ACO2: variants seen among roughly 807,000 people sequenced by gnomAD.
ACO2 encodes aconitase 2.
A neutral mutation model predicts 84.5 loss-of-function variants in ACO2; 31 were observed. That is an observed-to-expected ratio of 0.37 (90% CI 0.28 to 0.50). The LOEUF (loss-of-function observed/expected upper bound fraction) is 0.50, where lower values mean the gene tolerates loss of function less well. Among genes scored for constraint, ACO2 ranks in the 20% least tolerant of loss-of-function variants. The pLI is 0.97. For missense variants in ACO2, 685 were observed against 1,029.3 expected, an observed-to-expected ratio of 0.67 and a Z score of 4.58; for synonymous variants, 414 against 412.7, an observed-to-expected ratio of 1.00 and a Z score of -0.04.
chr22:41,528,335 C>A, intron 17 of ACO2, 144 bp from the exon 18 acceptor site: 1 of 1,220,336 alleles, frequency 8.2e-7, no homozygotes. Context: ...CTGACCTGGG[C>A]CATCAGGCAC....
chr22:41,481,129 ACCC>A (rs1010846218), intron 1 of ACO2, among the ~76,000 whole-genome samples: 29 of 152,012 alleles, frequency 1.9e-4, no homozygotes, highest in African/African-American at 6.8e-4. Flanking sequence ...CTGCTCTTTT[ACCC>A]CCATGTTACA....
At position 41,517,537 on chromosome 22, in the gene ACO2, A is replaced by G; in HGVS notation, c.846A>G (p.Thr282=). Residue 282 remains threonine, a synonymous_variant, in exon 7 of 18, where the codon ACA becomes ACG. Transcript: ENST00000216254. ...VDSISCTGMA[T]ICNMGAEIGA... is the part of the protein sequence containing the mutation. The stretch of plus-strand genomic sequence containing the variant: ...TCTGTTGCTCCACAGGCATGGCGAC[A>G]ATCTGCAACATGGGTGCAGAAATTG... 1.9e-6 allele frequency: 3 copies of G among 1,613,810 alleles called. No individual in the cohort carries two copies. The South Asian group carries it at 3.3e-5, about 18-fold the overall frequency.
At chr22:41,469,761 A>G (rs892471055) in intron 1 of ACO2, among the ~76,000 whole-genome samples, 3 of 152,114 alleles carry the variant, frequency 2.0e-5, no homozygotes, top group African/African-American at 4.8e-5. Context: ...ACCTTTGCAC[A>G]AGATTTGAGG....
At chr22:41,502,495 C>T (rs1249757576) in intron 2 of ACO2, among the ~76,000 whole-genome samples, 3 of 152,200 alleles carry the variant, frequency 2.0e-5, no homozygotes, top group African/African-American at 7.2e-5. Context: ...TTGGAGCTCT[C>T]ACACCGCTGC....
chr22:41,523,858 A>T lies in ACO2; in HGVS notation c.1399A>T (p.Thr467Ser). 6.2e-7 allele frequency: 1 copy of T among 1,612,188 alleles called. No individual in the cohort carries two copies. Among genetic ancestry groups the T allele is most frequent in the Non-Finnish European group, 8.5e-7 (1 of 1,179,970 alleles). Reference sequence around the variant, plus strand: ...GGACATCAAGAAGGGGGAGAAGAACACAATCGTCACCTCCTACAACAGGAA... The same window carrying T: ...GGACATCAAGAAGGGGGAGAAGAACTCAATCGTCACCTCCTACAACAGGAA... Reference protein sequence around the residue: ...RKDIKKGEKNTIVTSYNRNFT... With the variant: ...RKDIKKGEKNSIVTSYNRNFT... The change falls in exon 12 of 18, where the codon ACA becomes TCA. Residue 467 changes from threonine (T) to serine (S), a missense_variant. Thr to Ser is a moderately conservative substitution (Grantham distance 58). This residue lies in a region of ACO2 where 311 missense variants were observed against 441.6 expected (regional missense o/e 0.70). Coordinates refer to ENST00000216254, the MANE Select transcript of ACO2 (RefSeq NM_001098.3).
In ACO2 at chr22:41,469,169, T is replaced by A; in HGVS notation, c.23T>A (p.Val8Glu). The change falls in exon 1 of 18, where the codon GTG becomes GAG. Residue 8 changes from valine (V) to glutamate (E), a missense_variant. Around this residue, in one of 5 missense-constraint regions of ACO2, gnomAD observed 98 missense variants for 107.6 expected, o/e 0.91. Coordinates refer to ENST00000216254, the MANE Select transcript of ACO2 (RefSeq NM_001098.3). ...AAAATGGCGCCCTACAGCCTACTGG[T>A]GACTCGGCTGCAGGTGAGCGAGCTC... MAPYSLL[V>E]TRLQKALGVR... The A allele has an allele frequency of 6.2e-7, 1 of 1,608,838 alleles. No homozygotes were observed. The highest frequency in any genetic ancestry group is 8.5e-7 in the Non-Finnish European group (1 of 1,177,424).
In ACO2 at chr22:41,522,921, C is replaced by G; in HGVS notation, c.1230C>G (p.Cys410Trp). ...AKQALAHGLK[C>W]KSQFTITPGS... The stretch of plus-strand genomic sequence containing the variant: ...AGGCACTGGCCCATGGCCTCAAGTG[C>G]AAGTCCCAGTTCACCATCACTCCAG... The change falls in exon 10 of 18, where the codon TGC becomes TGG. Residue 410 changes from cysteine to tryptophan, a missense_variant. Transcript: ENST00000216254. The G allele has an allele frequency of 6.2e-7, 1 of 1,614,230 alleles. No homozygotes were observed.
Position 41,471,900 on chromosome 22 carries a change from C to CT in ACO2, c.36+2719dup, listed in dbSNP as rs1199865736. ...CCTAGATTTGAATACCGTAATGACT[C>CT]TAACACTCATGTAGCTGTGTTTTGG... On this transcript the variant is annotated intron_variant, in intron 1 of 17. Coordinates refer to ENST00000216254, the MANE Select transcript of ACO2 (RefSeq NM_001098.3). Among the ~76,000 whole-genome samples the CT allele has an allele frequency of 5.3e-5, 8 of 152,190 alleles. No individual in the cohort carries two copies. The South Asian group carries it at 1.0e-3, about 20-fold the overall frequency.
At chr22:41,482,692 G>A (rs1240648518) in intron 1 of ACO2, among the ~76,000 whole-genome samples, 4 of 152,218 alleles carry the variant, frequency 2.6e-5, no homozygotes, top group East Asian at 1.9e-4. Context: ...CAAAGGATAG[G>A]ACTAGGAAGT....
chr22:41,512,472 T>G (rs2066440937), intron 4 of ACO2, among the ~76,000 whole-genome samples: 1 of 152,164 alleles, frequency 6.6e-6, no homozygotes, highest in Non-Finnish European at 1.5e-5. Context: ...CACAGAGATG[T>G]TAACCTTCTT....
chr22:41,526,879 T>G, intron 15 of ACO2: 1 of 310,116 alleles, frequency 3.2e-6, no homozygotes. Flanking sequence ...CCCAGCCGGG[T>G]GAAAGGACTC....
chr22:41,500,604 C>T (rs1003762663), intron 2 of ACO2, among the ~76,000 whole-genome samples: 2 of 151,886 alleles, frequency 1.3e-5, no homozygotes, highest in African/African-American at 2.4e-5. Flanking sequence ...AGGCTGGTCT[C>T]GAATTCCTGA....
rs2066473202 is a variant in ACO2 at position 41,515,973 on chromosome 22, T to C, written c.835+56T>C. The C allele has an allele frequency of 2.5e-6, 4 of 1,580,216 alleles. No homozygotes were observed. The highest frequency in any genetic ancestry group is 3.4e-6 in the Non-Finnish European group (4 of 1,162,042). ...TACCCTGTGCTGGGCCTGATGGGTC[T>C]CCAGTTGGGAGTAGAAGCGGTGAAT... On this transcript the variant is annotated intron_variant, in intron 6 of 17. Transcript: ENST00000216254. The surrounding 1 kb of genome is among the most constrained non-coding windows in gnomAD (Gnocchi z 5.8).
chr22:41,507,668 C>T, intron 2 of ACO2, 123 bp from the exon 3 acceptor site: 1 of 1,376,396 alleles, frequency 7.3e-7, no homozygotes, highest in Non-Finnish European at 9.8e-7. Flanking sequence ...CGTTGAGGTC[C>T]TGAGTTCAGA....
At chr22:41,492,442 G>A (rs1569006431) in intron 1 of ACO2, among the ~76,000 whole-genome samples, 1 of 152,108 alleles carries the variant, frequency 6.6e-6, no homozygotes, top group African/African-American at 2.4e-5. Flanking sequence ...TTTGAGACCA[G>A]CCTGGCCAAC....
chr22:41,505,176 C>T (rs771098342), intron 2 of ACO2, among the ~76,000 whole-genome samples: 4 of 151,878 alleles, frequency 2.6e-5, no homozygotes, highest in East Asian at 1.9e-4. Context: ...CCCAGCTCTT[C>T]GGGAAGATCA....
At chr22:41,498,749 G>A (rs2066333109) in intron 1 of ACO2, among the ~76,000 whole-genome samples, 1 of 152,166 alleles carries the variant, frequency 6.6e-6, no homozygotes, top group South Asian at 2.1e-4. Flanking sequence ...AAGTCCAATA[G>A]CATCCCTTGT....
chr22:41,526,371 T>C lies in ACO2; in HGVS notation c.1871T>C (p.Ile624Thr), dbSNP rs558322566. The change falls in exon 15 of 18, where the codon ATT becomes ACT. Residue 624 changes from isoleucine to threonine, a missense_variant. Ile to Thr is a moderately conservative substitution (Grantham distance 89). This residue lies in a region of ACO2 where 174 missense variants were observed against 236.6 expected (regional missense o/e 0.74). Coordinates refer to ENST00000216254, the MANE Select transcript of ACO2 (RefSeq NM_001098.3). ...AACCTGCTCATTGGTGCCATCAACA[T>C]TGAAAACGGCAAGGCCAACTCCGTG... ...SNNLLIGAINIENGKANSVRN... is the reference protein window; with the variant it reads ...SNNLLIGAINTENGKANSVRN... The C allele has an allele frequency of 6.8e-6, 11 of 1,613,846 alleles. No homozygotes were observed. Among genetic ancestry groups the C allele is most frequent in the South Asian group, 6.6e-5 (6 of 91,056 alleles).
At chr22:41,523,797 A>C (rs201282728) in intron 11 of ACO2, 33 bp from the exon 12 acceptor site, 1 of 1,585,748 alleles carries the variant, frequency 6.3e-7, no homozygotes, top group Non-Finnish European at 8.6e-7. Flanking sequence ...ACAAGGCCAG[A>C]TATCCCTAAC....
Sources: allele counts gnomAD v4.1 joint callset (sites outside exome capture counted in the v4.1 genomes callset), GRCh38; gene constraint gnomAD v4.1.1; regional missense constraint gnomAD v4.1.1; non-coding constraint Gnocchi (gnomAD v3.1); transcripts MANE v1.5; gene names NCBI Gene and HGNC (gene_info 2026-07-23, HGNC 2026-07-21).